Variants in ALOX5 observed in about 807,000 individuals in gnomAD.
ALOX5 encodes the protein arachidonate 5-lipoxygenase.
Under a neutral mutation model 87.9 loss-of-function variants are expected in ALOX5, and 64 were observed. The observed-to-expected ratio is 0.73, with a 90% CI of 0.60 to 0.90. The LOEUF (loss-of-function observed/expected upper bound fraction) is 0.90. Ranked by LOEUF, ALOX5 falls within the 40% of genes least tolerant of loss-of-function variation. The pLI, the probability that ALOX5 is intolerant of heterozygous loss-of-function variation, is 0.00. For synonymous variants in ALOX5, 388 were observed against 355.1 expected, an observed-to-expected ratio of 1.09 and a Z score of -1.04; for missense variants, 822 against 907.5, an observed-to-expected ratio of 0.91 and a Z score of 1.21.
chr10:45,445,376 A>G, intron 13 of ALOX5, 132 bp from the exon 14 acceptor site: 1 of 1,110,482 alleles, frequency 9.0e-7, no homozygotes, highest in Non-Finnish European at 1.3e-6. Context: ...GCAGAGGGTG[A>G]ATATGGGGAG....
chr10:45,382,071 G>A (rs1375787480), intron 1 of ALOX5, among the ~76,000 whole-genome samples: 1 of 152,230 alleles, frequency 6.6e-6, no homozygotes, highest in Non-Finnish European at 1.5e-5. Context: ...AGCAGTTAGA[G>A]TCAATCCCCC....
chr10:45,444,458 G>C (rs1026345270), intron 13 of ALOX5, 172 bp downstream of exon 13: 8 of 905,962 alleles, frequency 8.8e-6, no homozygotes, highest in Non-Finnish European at 1.3e-5. Flanking sequence ...CCCGGCCTCA[G>C]CCTGGACAGA....
intron 7 of ALOX5, among the ~76,000 whole-genome samples, chr10:45,436,338 A>G (rs1015336145): frequency 2.6e-5 from 4 of 152,142 alleles, no homozygotes; most frequent in Admixed American, 6.5e-5. Flanking sequence ...GGAAATGTCC[A>G]TAAGATTTTT....
At position 45,395,857 on chromosome 10, in the gene ALOX5, A is replaced by C. The variant is rs753806636; in HGVS notation, c.352A>C (p.Lys118Gln). 7 of 1,614,158 alleles carry C rather than the reference A, an allele frequency of 4.3e-6. No individual in the cohort carries two copies. Among genetic ancestry groups the C allele is most frequent in the Non-Finnish European group, 5.9e-6 (7 of 1,179,990 alleles). Residue 118 changes from lysine (K) to glutamine (Q), a missense_variant and splice_region_variant, in exon 3 of 14, where the codon AAG becomes CAG. Coordinates refer to ENST00000374391, the MANE Select transcript of ALOX5 (RefSeq NM_000698.5). Reference protein sequence around the residue: ...VEVVLRDGRAKLARDDQIHIL... With the variant: ...VEVVLRDGRAQLARDDQIHIL... ...CTCATGTTGTTCTTTCTTTACAGCA[A>C]AGTTGGCCCGAGATGACCAAATTCA...
intron 7 of ALOX5, among the ~76,000 whole-genome samples, chr10:45,435,875 G>A (rs781432747): frequency 7.2e-5 from 11 of 152,190 alleles, no homozygotes; most frequent in Non-Finnish European, 1.6e-4. Flanking sequence ...CCACAGGGAT[G>A]GAAGTAATTT....
intron 4 of ALOX5, among the ~76,000 whole-genome samples, chr10:45,419,258 G>A (rs1841414190): frequency 6.6e-6 from 1 of 152,230 alleles, no homozygotes; most frequent in South Asian, 2.1e-4. Flanking sequence ...GGCGGGCGGA[G>A]AGCAGACCAC....
intron 3 of ALOX5, among the ~76,000 whole-genome samples, chr10:45,403,603 A>G (rs772338338): frequency 2.1e-4 from 32 of 152,204 alleles, no homozygotes; most frequent in Non-Finnish European, 4.1e-4. Context: ...ATACATATCC[A>G]TACATATTTT....
intron 8 of ALOX5, 146 bp from the exon 9 acceptor site, chr10:45,441,198 C>A: frequency 2.9e-6 from 2 of 691,672 alleles, no homozygotes; most frequent in Non-Finnish European, 2.5e-6. Flanking sequence ...ACTTATTCAG[C>A]AGAAAGATCA....
chr10:45,422,981 T>G (rs904559059), intron 4 of ALOX5, among the ~76,000 whole-genome samples: 5 of 152,140 alleles, frequency 3.3e-5, no homozygotes, highest in African/African-American at 1.2e-4. Context: ...GGTGCCTTCC[T>G]CTTCTTACGA....
intron 7 of ALOX5, among the ~76,000 whole-genome samples, chr10:45,433,810 C>T (rs1222821188): frequency 1.3e-5 from 2 of 152,108 alleles, no homozygotes; most frequent in Non-Finnish European, 2.9e-5. Flanking sequence ...TCCCCCAGGC[C>T]CCCCAGGAAG....
rs778423379 is a variant in ALOX5 at position 45,441,388 on chromosome 10, G to A, written c.1230G>A (p.Lys410=). The A allele has an allele frequency of 3.1e-6, 5 of 1,613,754 alleles. No individual in the cohort carries two copies. The highest frequency in any genetic ancestry group is 4.2e-6 in the Non-Finnish European group (5 of 1,179,828). Residue 410 remains lysine, a synonymous_variant, in exon 9 of 14, where the codon AAG becomes AAA. Transcript: ENST00000374391. ...HVRFTIAINT[K]AREQLICECG... ...GATTCACCATTGCAATCAACACCAA[G>A]GCCCGTGAGCAGCTCATCTGCGAGT...
chr10:45,424,542 G>A (rs1185446001), intron 5 of ALOX5, among the ~76,000 whole-genome samples: 2 of 152,212 alleles, frequency 1.3e-5, no homozygotes, highest in Admixed American at 6.5e-5. Context: ...TGTGTTTGAT[G>A]AGAGCACTAG....
chr10:45,410,501 C>G (rs1167362021), intron 3 of ALOX5, among the ~76,000 whole-genome samples: 1 of 152,184 alleles, frequency 6.6e-6, no homozygotes, highest in Admixed American at 6.5e-5. Context: ...TCAGAAGGAT[C>G]ATACCCGGTC....
chr10:45,375,263 A>G (rs1035882664), intron 1 of ALOX5, among the ~76,000 whole-genome samples: 1 of 152,148 alleles, frequency 6.6e-6, no homozygotes, highest in Non-Finnish European at 1.5e-5. Context: ...AGCATTTGGA[A>G]GCTAGTTCCT....
chr10:45,386,028 C>A (rs1037347466), intron 2 of ALOX5, among the ~76,000 whole-genome samples: 1 of 152,012 alleles, frequency 6.6e-6, no homozygotes. Flanking sequence ...TGTAGAGAGA[C>A]CCCATCTCTA....
At chr10:45,376,236 A>C (rs1293280853) in intron 1 of ALOX5, among the ~76,000 whole-genome samples, 1 of 151,850 alleles carries the variant, frequency 6.6e-6, no homozygotes, top group Non-Finnish European at 1.5e-5. Flanking sequence ...ATGACATTAT[A>C]ATTAAACACC....
In ALOX5 at chr10:45,374,369, G is replaced by A. The variant is rs1318878578; in HGVS notation, c.90G>A (p.Ala30=). Residue 30 remains alanine (A), a synonymous_variant, in exon 1 of 14, where the codon GCG becomes GCA. Transcript: ENST00000374391. ...TCTACCTCAGCCTCGTGGGCTCGGC[G>A]GGCTGCAGCGAGAAGCACCTGCTGG... ...DYIYLSLVGS[A]GCSEKHLLDK... 12 of 1,551,540 alleles carry A rather than the reference G, an allele frequency of 7.7e-6. No individual in the cohort carries two copies. In the South Asian group the frequency reaches 1.1e-4, roughly 14 times the overall value.
chr10:45,401,413 G>A lies in ALOX5; in HGVS notation c.431+5477G>A, dbSNP rs148293457. 9.9e-4 allele frequency among the ~76,000 whole-genome samples: 150 copies of A among 152,240 alleles called. 5 individuals are homozygous for A. The East Asian group carries it at 0.028, about 28-fold the overall frequency. ...AGAGCCAGAAAAATACCTATTTTCT[G>A]TATGAATTATGAATTTTATGAACTT... On this transcript the variant is annotated intron_variant, in intron 3 of 13. Coordinates refer to ENST00000374391, the MANE Select transcript of ALOX5 (RefSeq NM_000698.5).
chr10:45,441,513 T>C (rs1035250106), intron 9 of ALOX5, 83 bp downstream of exon 9: 1 of 1,387,444 alleles, frequency 7.2e-7, no homozygotes, highest in Non-Finnish European at 1.0e-6. Flanking sequence ...TAGACACCCT[T>C]TCAGGAGGCC....
Sources: gnomAD v4.1 joint callset for allele counts (sites outside exome capture counted in the v4.1 genomes callset) on GRCh38, gnomAD v4.1.1 for gene constraint, MANE v1.5 for transcripts, NCBI Gene and HGNC (gene_info 2026-07-23, HGNC 2026-07-21) for gene names.